C18orf63: variants seen among roughly 807,000 people sequenced by gnomAD.
The protein encoded by C18orf63 is chromosome 18 open reading frame 63.
Under a neutral mutation model 75.3 loss-of-function variants are expected in C18orf63, and 50 were observed. That is an observed-to-expected ratio of 0.66 (90% CI 0.53 to 0.84). The LOEUF (loss-of-function observed/expected upper bound fraction) is 0.84. Among genes scored for constraint, C18orf63 ranks in the 40% least tolerant of loss-of-function variants. C18orf63 has a pLI of 0.00. For synonymous variants in C18orf63, 232 were observed against 267.6 expected (o/e 0.87, Z 1.30); for missense variants, 732 against 800.2 (o/e 0.91, Z 1.03).
chr18:74,329,241 G>A (rs1032315124), intron 6 of C18orf63, among the ~76,000 whole-genome samples: 2 of 151,826 alleles, frequency 1.3e-5, no homozygotes, highest in Admixed American at 6.6e-5. Context: ...TATTAGCCAG[G>A]CACCACACCT....
At chr18:74,334,208 T>C (rs1029491896) in intron 7 of C18orf63, among the ~76,000 whole-genome samples, 1 of 152,016 alleles carries the variant, frequency 6.6e-6, no homozygotes, top group African/African-American at 2.4e-5. Context: ...GTTGATGACA[T>C]GCCCAGGGAA....
chr18:74,349,668 T>TC (rs909605458), intron 11 of C18orf63, among the ~76,000 whole-genome samples: 4 of 151,252 alleles, frequency 2.6e-5, no homozygotes, highest in Non-Finnish European at 4.4e-5. Flanking sequence ...TTCAAAACCA[T>TC]CCCCCCCACC....
At chr18:74,325,390 G>A (rs1463199821) in intron 4 of C18orf63, among the ~76,000 whole-genome samples, 5 of 152,090 alleles carry the variant, frequency 3.3e-5, no homozygotes, top group Non-Finnish European at 5.9e-5. Context: ...TAGAGAATAC[G>A]TTCTTTATAA....
chr18:74,316,188 G>C (rs1293217181), intron 1 of C18orf63, 79 bp downstream of exon 1: 1 of 152,276 alleles, frequency 6.6e-6, no homozygotes, highest in African/African-American at 2.4e-5. Flanking sequence ...GGATCCCGGT[G>C]CCGGCGCCGG....
At chr18:74,320,824 TAA>T (rs1213946238) in intron 3 of C18orf63, among the ~76,000 whole-genome samples, 1 of 152,156 alleles carries the variant, frequency 6.6e-6, no homozygotes, top group Non-Finnish European at 1.5e-5. Flanking sequence ...AATGCTAAGA[TAA>T]AGACTGTTAA....
chr18:74,330,997 TTTA>T lies in C18orf63; in HGVS notation c.501+61_501+63del, dbSNP rs1984295650. On this transcript the variant is annotated intron_variant, in intron 7 of 13. Transcript: ENST00000579455. Reference sequence around the variant, plus strand: ...TTATATTTACTATATACTTTTTATATTTATTATTGTTACTAACGTGATTAGGTT... The same window carrying T: ...TTATATTTACTATATACTTTTTATATTTATTGTTACTAACGTGATTAGGTT... The T allele has an allele frequency of 2.1e-5, 14 of 669,030 alleles. No homozygotes were observed. In the South Asian group the frequency reaches 5.2e-4, roughly 25 times the overall value. 41.4% of individuals were successfully genotyped at this position (669,030 alleles called of 1,614,324 possible).
Position 74,353,452 on chromosome 18 carries a change from A to T in C18orf63, c.1185A>T (p.Arg395Ser). The change falls in exon 12 of 14, where the codon AGA (arginine) becomes AGT (serine). Residue 395 changes from arginine (R) to serine (S), a missense_variant. Arg to Ser is a moderately radical substitution (Grantham distance 110). Around this residue, in one of 3 missense-constraint regions of C18orf63, gnomAD observed 495 missense variants for 508.7 expected, o/e 0.97. Coordinates refer to ENST00000579455, the MANE Select transcript of C18orf63 (RefSeq NM_001174123.2). ...TCCAGCCAGAGTCTGTTCAGGGTAGAAAGAAATCCCTGTCTATCAGGGCTC... is the reference window on the plus strand; with the variant it reads ...TCCAGCCAGAGTCTGTTCAGGGTAGTAAGAAATCCCTGTCTATCAGGGCTC... The part of the protein sequence containing the change: ...LHLQPESVQG[R>S]KKSLSIRAPQ... The T allele has an allele frequency of 6.5e-7, 1 of 1,536,396 alleles. No homozygotes were observed. The highest frequency in any genetic ancestry group is 8.7e-7 in the Non-Finnish European group (1 of 1,146,942).
intron 4 of C18orf63, among the ~76,000 whole-genome samples, chr18:74,325,812 C>T (rs938261285): frequency 6.6e-6 from 1 of 152,184 alleles, no homozygotes; most frequent in Non-Finnish European, 1.5e-5. Context: ...GAGTCACTCA[C>T]ATAGAAAAGG....
intron 11 of C18orf63, among the ~76,000 whole-genome samples, chr18:74,351,615 ACTAAG>A (rs1984668444): frequency 6.6e-6 from 1 of 152,214 alleles, no homozygotes; most frequent in Non-Finnish European, 1.5e-5. Flanking sequence ...GAGATGCCAA[ACTAAG>A]CCAAGCCAAC....
In C18orf63 at chr18:74,357,638, C is replaced by T. The variant is rs1275544951; in HGVS notation, c.*1191C>T. On this transcript the variant is annotated 3_prime_UTR_variant, in exon 14 of 14. Coordinates refer to ENST00000579455, the MANE Select transcript of C18orf63 (RefSeq NM_001174123.2). ...TTTTGTAAATGTGATTTATTGTCTCCACCACTTTACTAAACCATTGCAATT... is the reference window on the plus strand; with the variant it reads ...TTTTGTAAATGTGATTTATTGTCTCTACCACTTTACTAAACCATTGCAATT... The T allele has an allele frequency of 1.3e-5, 2 of 151,558 alleles. No individual in the cohort carries two copies. The highest frequency in any genetic ancestry group is 2.9e-5 in the Non-Finnish European group (2 of 67,952). The allele number at this position is 151,558 out of a possible 1,614,324, so 9.4% of individuals were successfully genotyped here.
intron 7 of C18orf63, among the ~76,000 whole-genome samples, chr18:74,338,008 T>A (rs1349499903): frequency 6.6e-6 from 1 of 152,136 alleles, no homozygotes; most frequent in Non-Finnish European, 1.5e-5. Flanking sequence ...AAGAATGGGG[T>A]AAGGGTTTAT....
At chr18:74,337,544 C>T (rs1386946059) in intron 7 of C18orf63, among the ~76,000 whole-genome samples, 1 of 152,052 alleles carries the variant, frequency 6.6e-6, no homozygotes, top group African/African-American at 2.4e-5. Context: ...CAGTTTAGTC[C>T]TCCCTCTGCA....
At chr18:74,355,062 T>C (rs1984740116) in intron 13 of C18orf63, among the ~76,000 whole-genome samples, 1 of 152,242 alleles carries the variant, frequency 6.6e-6, no homozygotes, top group South Asian at 2.1e-4. Context: ...GGAAATTACA[T>C]TTTATTTTGT....
intron 7 of C18orf63, among the ~76,000 whole-genome samples, chr18:74,335,380 A>C (rs745916705): frequency 9.2e-5 from 14 of 152,278 alleles, no homozygotes; most frequent in Non-Finnish European, 1.9e-4. Context: ...ATGGGATTTC[A>C]GCCCTTATCT....
intron 11 of C18orf63, among the ~76,000 whole-genome samples, chr18:74,349,434 C>CTGT (rs1599009334): frequency 6.6e-6 from 1 of 152,140 alleles, no homozygotes; most frequent in East Asian, 1.9e-4. Flanking sequence ...GGTCATGGAC[C>CTGT]TACCAGTCCA....
At chr18:74,332,323 T>C (rs11151944) in intron 7 of C18orf63, among the ~76,000 whole-genome samples, 5,731 of 152,100 alleles carry the variant, frequency 0.038, 155 homozygotes, top group South Asian at 0.081. Flanking sequence ...TGATAAACCA[T>C]TAATTCATTA....
rs1386262006 is a variant in C18orf63 at position 74,358,584 on chromosome 18, G to C, written c.*2137G>C. The C allele has an allele frequency of 6.6e-6, 1 of 151,964 alleles. No homozygotes were observed. The highest frequency in any genetic ancestry group is 1.5e-5 in the Non-Finnish European group (1 of 67,970). The allele number at this position is 151,964 out of a possible 1,614,324, so 9.4% of individuals were successfully genotyped here. On this transcript the variant is annotated 3_prime_UTR_variant, in exon 14 of 14. Coordinates refer to ENST00000579455, the MANE Select transcript of C18orf63 (RefSeq NM_001174123.2). Reference sequence around the variant, plus strand: ...ATTTTACTTCTTTGTGTAAGTTATTGGTGATTTATATGCAGTATGGACCAT... The same window carrying C: ...ATTTTACTTCTTTGTGTAAGTTATTCGTGATTTATATGCAGTATGGACCAT...
At chr18:74,333,005 A>G (rs1469802464) in intron 7 of C18orf63, among the ~76,000 whole-genome samples, 1 of 152,134 alleles carries the variant, frequency 6.6e-6, no homozygotes, top group African/African-American at 2.4e-5. Context: ...TGTCACTTGT[A>G]TTACTTGGGT....
chr18:74,349,168 A>G (rs563528771), intron 11 of C18orf63, among the ~76,000 whole-genome samples: 4 of 152,306 alleles, frequency 2.6e-5, no homozygotes, highest in South Asian at 4.1e-4. Flanking sequence ...TTGCTTTTCT[A>G]TAATTCATTT....
Sources: allele counts gnomAD v4.1 joint callset (sites outside exome capture counted in the v4.1 genomes callset), GRCh38; gene constraint gnomAD v4.1.1; regional missense constraint gnomAD v4.1.1; transcripts MANE v1.5; gene names NCBI Gene and HGNC (gene_info 2026-07-23, HGNC 2026-07-21).